Variants in MYH15 observed in about 807,000 individuals in gnomAD.
MYH15 encodes the protein myosin-15.
In MYH15, 227 loss-of-function variants were observed where a neutral mutation model predicts 240.5. The observed-to-expected ratio is 0.94, with a 90% CI of 0.85 to 1.05. The LOEUF (loss-of-function observed/expected upper bound fraction) is 1.05, where lower values mean the gene tolerates loss of function less well. Ranked by LOEUF, MYH15 falls within the 50% of genes least tolerant of loss-of-function variation. The probability of loss-of-function intolerance (pLI) is 0.00; values close to 1 mark genes in which losing one functional copy is unlikely to be tolerated. For missense variants in MYH15, 2,217 were observed against 2,247.5 expected, an observed-to-expected ratio of 0.99 and a Z score of 0.27; for synonymous variants, 785 against 796.7, an observed-to-expected ratio of 0.99 and a Z score of 0.25.
At chr3:108,386,650 G>A (rs144453178) in intron 38 of MYH15, among the ~76,000 whole-genome samples, 46 of 151,702 alleles carry the variant, frequency 3.0e-4, no homozygotes, top group African/African-American at 8.7e-4. Flanking sequence ...CTCCCTTCAC[G>A]TCTCTGCCCC....
chr3:108,481,389 C>G (rs1276327545), intron 11 of MYH15, among the ~76,000 whole-genome samples: 1 of 152,122 alleles, frequency 6.6e-6, no homozygotes, highest in African/African-American at 2.4e-5. Context: ...CAAATGAGGT[C>G]CCTGCTCTTA....
At chr3:108,386,528 G>A (rs2082385371) in intron 38 of MYH15, among the ~76,000 whole-genome samples, 1 of 152,104 alleles carries the variant, frequency 6.6e-6, no homozygotes, top group Non-Finnish European at 1.5e-5. Flanking sequence ...CTAGTGTCTG[G>A]CCATTTCTGC....
intron 1 of MYH15, 110 bp from the exon 2 acceptor site, chr3:108,505,939 G>A: frequency 4.6e-6 from 3 of 654,208 alleles, no homozygotes; most frequent in African/African-American, 3.7e-5. Context: ...AAATCAGCTT[G>A]TTGACTACAG....
chr3:108,407,562 C>G (rs907034590), intron 32 of MYH15, among the ~76,000 whole-genome samples: 3 of 152,184 alleles, frequency 2.0e-5, no homozygotes, highest in Admixed American at 6.5e-5. Flanking sequence ...CCCAGAGATA[C>G]AGCCAGAGAC....
intron 35 of MYH15, among the ~76,000 whole-genome samples, chr3:108,397,282 G>C (rs4855560): frequency 0.71 from 108,623 of 151,972 alleles, 39,219 homozygotes; most frequent in Middle Eastern, 0.78. Context: ...GCTATCCACC[G>C]AATACTCTAG....
At position 108,493,193 on chromosome 3, in the gene MYH15, A is replaced by AACACAGTC; in HGVS notation, c.712-24_712-17dup. ...TGAATTTGCCCTAGTGTGGACACAG[A>AACACAGTC]ACACAGTCAGACACAAAACACAGTT... On this transcript the variant is annotated splice_polypyrimidine_tract_variant and intron_variant, in intron 7 of 40. Coordinates refer to ENST00000693548, the MANE Select transcript of MYH15 (RefSeq NM_014981.3). The AACACAGTC allele has an allele frequency of 2.5e-6, 4 of 1,612,026 alleles. No individual in the cohort carries two copies. Among genetic ancestry groups the AACACAGTC allele is most frequent in the Non-Finnish European group, 2.5e-6 (3 of 1,178,126 alleles).
chr3:108,428,981 C>T, intron 26 of MYH15, 100 bp from the exon 27 acceptor site: 1 of 1,185,262 alleles, frequency 8.4e-7, no homozygotes, highest in South Asian at 1.6e-5. Flanking sequence ...TTTTGGTTCC[C>T]AATTTACAAC....
intron 25 of MYH15, among the ~76,000 whole-genome samples, chr3:108,437,244 T>G (rs1445238351): frequency 1.3e-5 from 2 of 150,616 alleles, no homozygotes; most frequent in African/African-American, 4.9e-5. Flanking sequence ...AAAAGAAGAG[T>G]GTCATTTTTA....
chr3:108,483,011 C>T (rs1178799357), intron 11 of MYH15, among the ~76,000 whole-genome samples: 1 of 151,806 alleles, frequency 6.6e-6, no homozygotes, highest in Non-Finnish European at 1.5e-5. Context: ...CTGGCCAACA[C>T]GGCAAAACCC....
At chr3:108,415,822 G>A (rs1255114234) in intron 29 of MYH15, among the ~76,000 whole-genome samples, 2 of 152,168 alleles carry the variant, frequency 1.3e-5, no homozygotes, top group East Asian at 3.8e-4. Context: ...AGCAGATGTA[G>A]GAAGTAGGTC....
chr3:108,499,065 C>T (rs531464425), intron 5 of MYH15, among the ~76,000 whole-genome samples: 3 of 152,320 alleles, frequency 2.0e-5, no homozygotes, highest in East Asian at 3.9e-4. Context: ...AATCTGGCTG[C>T]CCACAACTGC....
At chr3:108,533,859 AC>A (rs2107283487), upstream of MYH15, among the ~76,000 whole-genome samples, 1 of 152,322 alleles carries the variant, frequency 6.6e-6, no homozygotes, top group African/African-American at 2.4e-5. Flanking sequence ...TGAAACTGCT[AC>A]CCTGCCTTCC....
upstream of MYH15, among the ~76,000 whole-genome samples, chr3:108,529,864 T>G (rs553748684): frequency 6.6e-6 from 1 of 152,154 alleles, no homozygotes; most frequent in Non-Finnish European, 1.5e-5. Flanking sequence ...AAGCTAGCAG[T>G]CTGTAGTGGC....
At chr3:108,479,083 A>G (rs1324572330) in intron 11 of MYH15, among the ~76,000 whole-genome samples, 1 of 152,214 alleles carries the variant, frequency 6.6e-6, no homozygotes, top group East Asian at 1.9e-4. Flanking sequence ...CTTCATTTGC[A>G]CTAAATGTTT....
chr3:108,507,309 A>C (rs960725347), intron 1 of MYH15, among the ~76,000 whole-genome samples: 2 of 140,038 alleles, frequency 1.4e-5, no homozygotes, highest in Non-Finnish European at 3.1e-5. Flanking sequence ...GTAGAAGCTC[A>C]CAGAAGTCCC....
intron 9 of MYH15, among the ~76,000 whole-genome samples, chr3:108,487,099 T>G (rs1331533834): frequency 2.6e-5 from 4 of 152,172 alleles, no homozygotes; most frequent in Admixed American, 2.6e-4. Flanking sequence ...CACCCTGATA[T>G]GTCTAAGAGT....
chr3:108,448,653 G>A (rs10933945), intron 21 of MYH15, among the ~76,000 whole-genome samples: 16,281 of 151,804 alleles, frequency 0.11, 1,636 homozygotes, highest in East Asian at 0.53. Flanking sequence ...ACATAATAAA[G>A]GCCATATATG....
chr3:108,483,527 A>G (rs1198586244), intron 11 of MYH15, among the ~76,000 whole-genome samples: 1 of 152,216 alleles, frequency 6.6e-6, no homozygotes, highest in African/African-American at 2.4e-5. Flanking sequence ...CCACTGTGGA[A>G]AACAATATGA....
At chr3:108,468,330 A>T (rs2083139956) in intron 14 of MYH15, among the ~76,000 whole-genome samples, 1 of 152,118 alleles carries the variant, frequency 6.6e-6, no homozygotes, top group Non-Finnish European at 1.5e-5. Flanking sequence ...CTTTTTTCTT[A>T]TACGTATACA....
Sources: allele counts gnomAD v4.1 joint callset (sites outside exome capture counted in the v4.1 genomes callset), GRCh38; gene constraint gnomAD v4.1.1; transcripts MANE v1.5; gene names NCBI Gene and HGNC (gene_info 2026-07-23, HGNC 2026-07-21).